KAZN: variants seen among roughly 807,000 people sequenced by gnomAD.
The protein encoded by KAZN is kazrin, periplakin interacting protein.
Under a neutral mutation model 87.4 loss-of-function variants are expected in KAZN, and 40 were observed. The ratio of observed to expected loss-of-function variants is 0.46; its 90% CI spans 0.36 to 0.60. The LOEUF is 0.60. Among genes scored for constraint, KAZN ranks in the 20% least tolerant of loss-of-function variants. The pLI, the probability that KAZN is intolerant of heterozygous loss-of-function variation, is 0.00. For synonymous variants in KAZN, 466 were observed against 458.3 expected (o/e 1.02, Z -0.22); for missense variants, 898 against 1,073.9 (o/e 0.84, Z 2.29).
chr1:14,489,949 T>A (rs1331725972), intron 2 of KAZN, among the ~76,000 whole-genome samples: 1 of 152,124 alleles, frequency 6.6e-6, no homozygotes, highest in African/African-American at 2.4e-5. Flanking sequence ...TTGCTGGAAA[T>A]GGAATTCCTT....
intron 2 of KAZN, among the ~76,000 whole-genome samples, chr1:14,190,203 C>G (rs540084357): frequency 6.6e-6 from 1 of 152,266 alleles, no homozygotes; most frequent in South Asian, 2.1e-4. Flanking sequence ...CAAATACTTC[C>G]TGAGCTTATA....
chr1:14,172,617 T>G (rs1645978093), intron 1 of KAZN, among the ~76,000 whole-genome samples: 1 of 152,242 alleles, frequency 6.6e-6, no homozygotes, highest in Non-Finnish European at 1.5e-5. Flanking sequence ...AATACCTTAT[T>G]ATGCTCTCAG....
chr1:14,380,994 T>C (rs1661317491), intron 2 of KAZN, among the ~76,000 whole-genome samples: 1 of 152,182 alleles, frequency 6.6e-6, no homozygotes, highest in Non-Finnish European at 1.5e-5. Flanking sequence ...ATAAATGACA[T>C]ACATCTGGCA....
At chr1:14,675,322 C>A (rs1640155634) in intron 1 of KAZN, among the ~76,000 whole-genome samples, 1 of 152,250 alleles carries the variant, frequency 6.6e-6, no homozygotes, top group Non-Finnish European at 1.5e-5. Flanking sequence ...GTCTGGGATA[C>A]TCAGCATCAG....
chr1:14,359,680 C>T (rs1428120383), intron 2 of KAZN, among the ~76,000 whole-genome samples: 1 of 152,190 alleles, frequency 6.6e-6, no homozygotes, highest in Non-Finnish European at 1.5e-5. Context: ...GATTTTATTT[C>T]TCCTTCACTT....
At chr1:14,227,250 C>T (rs1647372045) in intron 2 of KAZN, among the ~76,000 whole-genome samples, 1 of 152,090 alleles carries the variant, frequency 6.6e-6, no homozygotes, top group African/African-American at 2.4e-5. Context: ...AACTAGACCT[C>T]AGTGGCCTCA....
intron 8 of KAZN, among the ~76,000 whole-genome samples, chr1:15,089,916 T>C (rs1006072928): frequency 1.3e-5 from 2 of 152,126 alleles, no homozygotes. Flanking sequence ...AAGAAGGAAT[T>C]TCTTGGGGGC....
intron 2 of KAZN, among the ~76,000 whole-genome samples, chr1:14,527,327 G>T (rs1434027689): frequency 6.6e-6 from 1 of 152,170 alleles, no homozygotes; most frequent in African/African-American, 2.4e-5. Flanking sequence ...GAGGTAGCCA[G>T]ATCACAAGGT....
intron 1 of KAZN, among the ~76,000 whole-genome samples, chr1:14,859,079 C>T (rs1339348490): frequency 1.4e-4 from 21 of 151,916 alleles, no homozygotes; most frequent in Admixed American, 6.6e-4. Context: ...TGGTGGCGGG[C>T]GCCTGTAGTC....
At chr1:15,050,213 T>C (rs1674236154) in intron 4 of KAZN, among the ~76,000 whole-genome samples, 1 of 149,292 alleles carries the variant, frequency 6.7e-6, no homozygotes, top group Non-Finnish European at 1.5e-5. Flanking sequence ...TAGAATAGAA[T>C]AGAATAGAAC....
At chr1:14,231,731 T>C (rs1647869846) in intron 2 of KAZN, among the ~76,000 whole-genome samples, 1 of 152,236 alleles carries the variant, frequency 6.6e-6, no homozygotes, top group South Asian at 2.1e-4. Context: ...TGCCATTTAT[T>C]ACACCTGAAT....
At chr1:15,113,238 A>C (rs1239455477) in intron 14 of KAZN, 1 of 151,560 alleles carries the variant, frequency 6.6e-6, no homozygotes, top group Non-Finnish European at 1.5e-5. Context: ...TGGGGCTGAT[A>C]TTGCCCCCCA....
Position 14,283,341 on chromosome 1 carries a change from T to A in KAZN, c.249+102749T>A, listed in dbSNP as rs1256603055. Among the ~76,000 whole-genome samples, 5 of 152,090 alleles carry A rather than the reference T, an allele frequency of 3.3e-5. No individual in the cohort carries two copies. The East Asian group carries it at 9.7e-4, about 29-fold the overall frequency. ...CTTAATTCTAAGAGGAAAACCCCCATTTTCTAGGGTTACTCCAAAAGAGGA... is the reference window on the plus strand; with the variant it reads ...CTTAATTCTAAGAGGAAAACCCCCAATTTCTAGGGTTACTCCAAAAGAGGA... On this transcript the variant is annotated intron_variant, in intron 2 of 16. Coordinates refer to the KAZN transcript ENST00000636203.
intron 1 of KAZN, among the ~76,000 whole-genome samples, chr1:14,128,560 C>A (rs1010790042): frequency 2.0e-5 from 3 of 152,118 alleles, no homozygotes; most frequent in African/African-American, 7.2e-5. Context: ...CCCCTGTGGT[C>A]TCTTTGTGTG....
At chr1:14,498,595 G>T (rs756859142) in intron 2 of KAZN, among the ~76,000 whole-genome samples, 5 of 152,196 alleles carry the variant, frequency 3.3e-5, no homozygotes, top group East Asian at 1.9e-4. Context: ...GGTGGGCTGA[G>T]GCAGGAGAGT....
At chr1:14,353,446 C>T (rs371362808) in intron 2 of KAZN, among the ~76,000 whole-genome samples, 57 of 152,146 alleles carry the variant, frequency 3.7e-4, no homozygotes, top group Admixed American at 1.4e-3. Context: ...GTCTCAATCT[C>T]CTGACATTGT....
At chr1:14,011,285 C>G (rs1570520363) in intron 1 of KAZN, among the ~76,000 whole-genome samples, 1 of 152,232 alleles carries the variant, frequency 6.6e-6, no homozygotes, top group Non-Finnish European at 1.5e-5. Flanking sequence ...CTCTTTCTTG[C>G]TCACCATGAT....
chr1:14,755,609 C>G (rs1368434910), intron 1 of KAZN, among the ~76,000 whole-genome samples: 1 of 152,146 alleles, frequency 6.6e-6, no homozygotes, highest in Non-Finnish European at 1.5e-5. Flanking sequence ...GAGATGCAGG[C>G]TCTGGATTTG....
chr1:14,708,287 T>G (rs1386853056), intron 1 of KAZN, among the ~76,000 whole-genome samples: 1 of 152,194 alleles, frequency 6.6e-6, no homozygotes, highest in African/African-American at 2.4e-5. Flanking sequence ...CTTTTCACTC[T>G]GAAGTTCCAG....
Sources: gnomAD v4.1 joint callset for allele counts (sites outside exome capture counted in the v4.1 genomes callset) on GRCh38, gnomAD v4.1.1 for gene constraint, MANE v1.5 for transcripts, NCBI Gene and HGNC (gene_info 2026-07-23, HGNC 2026-07-21) for gene names.